The following TMPRSS15 variants were observed in gnomAD, a reference collection of about 807,000 sequenced individuals.
TMPRSS15 encodes the protein enteropeptidase.
A neutral mutation model predicts 125.3 loss-of-function variants in TMPRSS15; 128 were observed. The observed-to-expected ratio is 1.02, with a 90% confidence interval of 0.89 to 1.18. The LOEUF (loss-of-function observed/expected upper bound fraction) is 1.18, where lower values mean the gene tolerates loss of function less well. TMPRSS15 is among the 50% of genes most tolerant of loss of function. The pLI is 0.00. For missense variants in TMPRSS15, 1,283 were observed against 1,212.7 expected (o/e 1.06, Z -0.86); for synonymous variants, 446 against 423.2 (o/e 1.05, Z -0.66).
intron 19 of TMPRSS15, 60 bp from the exon 20 acceptor site, chr21:18,294,712 A>C (rs1236542189): frequency 1.8e-5 from 25 of 1,421,464 alleles, no homozygotes; most frequent in Non-Finnish European, 2.4e-5. Context: ...CAAGTCAAAC[A>C]TCATATAGGT....
Position 18,353,844 on chromosome 21 carries a change from A to T in TMPRSS15, c.900T>A (p.Asn300Lys). ...KILRASIWET[N>K]PGTIRIFSNQ... ...TGGAAAAAATTCTTATTGTGCCAGG[A>T]TTAGTTTCCCAAATAGAAGCTACAA... is the stretch of plus-strand genomic sequence containing the variant. The change falls in exon 9 of 25, where the codon AAT becomes AAA. Residue 300 changes from asparagine (N) to lysine (K), a missense_variant. Asn to Lys is a moderately conservative substitution (Grantham distance 94). Transcript: ENST00000284885. 6.2e-7 allele frequency: 1 copy of T among 1,611,250 alleles called. No individual in the cohort carries two copies. Among genetic ancestry groups the T allele is most frequent in the Non-Finnish European group, 8.5e-7 (1 of 1,177,980 alleles).
chr21:18,460,744 G>A (rs1442710495), intron 1 of TMPRSS15: 1 of 152,102 alleles, frequency 6.6e-6, no homozygotes, highest in Non-Finnish European at 1.5e-5. Context: ...GATTGGATGA[G>A]ACTCATCCAC....
At chr21:18,365,666 C>CCTTT (rs1342972162) in intron 6 of TMPRSS15, among the ~76,000 whole-genome samples, 2 of 127,272 alleles carry the variant, frequency 1.6e-5, no homozygotes, top group Non-Finnish European at 3.3e-5. Flanking sequence ...TTCCTTCCTT[C>CCTTT]CTTCCTTCCT....
At chr21:18,386,668 G>A (rs963560307) in intron 3 of TMPRSS15, among the ~76,000 whole-genome samples, 13 of 152,004 alleles carry the variant, frequency 8.6e-5, no homozygotes, top group African/African-American at 3.1e-4. Context: ...AAATGGACAG[G>A]ATTGATTGTG....
chr21:18,353,897 A>G, intron 8 of TMPRSS15, 34 bp from the exon 9 acceptor site: 1 of 1,585,376 alleles, frequency 6.3e-7, no homozygotes, highest in South Asian at 1.1e-5. Context: ...TTATATGTAT[A>G]TATCTATCTG....
chr21:18,321,499 C>A (rs1295981920), intron 16 of TMPRSS15, among the ~76,000 whole-genome samples: 3 of 151,722 alleles, frequency 2.0e-5, no homozygotes, highest in Non-Finnish European at 4.4e-5. Context: ...ACTACAGGTG[C>A]CTGCCACCAC....
intron 4 of TMPRSS15, among the ~76,000 whole-genome samples, chr21:18,382,296 T>C (rs2075900109): frequency 6.6e-6 from 1 of 152,156 alleles, no homozygotes. Flanking sequence ...TAATAGCCAG[T>C]AGTAGTTTTC....
At chr21:18,311,034 A>G (rs74499944) in intron 18 of TMPRSS15, among the ~76,000 whole-genome samples, 1,583 of 151,538 alleles carry the variant, frequency 0.01, 15 homozygotes, top group South Asian at 0.031. Flanking sequence ...GGATAACTAT[A>G]TGAAGTATGA....
At chr21:18,395,497 G>A (rs566397900) in intron 3 of TMPRSS15, among the ~76,000 whole-genome samples, 2 of 152,256 alleles carry the variant, frequency 1.3e-5, no homozygotes, top group African/African-American at 4.8e-5. Context: ...AGAACAAATT[G>A]ACAAGCTTGT....
At chr21:18,332,966 C>G (rs2075359388) in intron 13 of TMPRSS15, among the ~76,000 whole-genome samples, 1 of 152,078 alleles carries the variant, frequency 6.6e-6, no homozygotes, top group Non-Finnish European at 1.5e-5. Context: ...AGCTGGAGAC[C>G]ATTAACCTTA....
At position 18,343,820 on chromosome 21, in the gene TMPRSS15, T is replaced by C. The variant is rs554531702; in HGVS notation, c.1277+135A>G. On this transcript the variant is annotated intron_variant, in intron 11 of 24. Transcript: ENST00000284885. ...AGGTGTCTATCAATGTTTTATTGCT[T>C]ATCAGTTGGGAAAAGTAATAGTATA... 101 of 1,145,092 alleles carry C rather than the reference T, an allele frequency of 8.8e-5. No individual in the cohort carries two copies. In the South Asian group the frequency reaches 9.6e-4, roughly 11 times the overall value. The allele number at this position is 1,145,092 out of a possible 1,614,324, so 70.9% of individuals were successfully genotyped here. A position where few individuals can be genotyped will look rare whatever the true frequency, so the allele number is the denominator to read the frequency against.
chr21:18,325,665 A>G (rs1290472469), intron 16 of TMPRSS15, among the ~76,000 whole-genome samples: 1 of 152,054 alleles, frequency 6.6e-6, no homozygotes, highest in Non-Finnish European at 1.5e-5. Context: ...TTTTTCTGAC[A>G]TATTTGCACC....
rs1335253498 is a variant in TMPRSS15 at position 18,294,647 on chromosome 21, T to A, written c.2267A>T (p.Gln756Leu). ...DGHLILTPSQ[Q>L]CLQDSLIRLQ... ...CCGAATCAAGGAATCCTGTAAACAC[T>A]GTTGACTGTAATAGAAGAACAATCA... is the stretch of plus-strand genomic sequence containing the variant. Residue 756 changes from glutamine to leucine, a missense_variant, in exon 20 of 25, where the codon CAG becomes CTG. Coordinates refer to ENST00000284885, the MANE Select transcript of TMPRSS15 (RefSeq NM_002772.3). 6.2e-7 allele frequency: 1 copy of A among 1,610,168 alleles called. No homozygotes were observed. Among genetic ancestry groups the A allele is most frequent in the East Asian group, 2.2e-5 (1 of 44,850 alleles).
In TMPRSS15 at chr21:18,403,694, A is replaced by G; in HGVS notation, c.-72T>C. 1 of 1,592,692 alleles carries G rather than the reference A, an allele frequency of 6.3e-7. No homozygotes were observed. Among genetic ancestry groups the G allele is most frequent in the Non-Finnish European group, 8.6e-7 (1 of 1,164,902 alleles). On this transcript the variant is annotated 5_prime_UTR_variant, in exon 1 of 25. Coordinates refer to ENST00000284885, the MANE Select transcript of TMPRSS15 (RefSeq NM_002772.3). ...AATAATTCTACCAACTGAAGAGAAA[A>G]ATCTCTCAAATTTTTAAAGATGTGT...
At position 18,400,709 on chromosome 21, in the gene TMPRSS15, G is replaced by A. The variant is rs577455253; in HGVS notation, c.146-2380C>T. The stretch of plus-strand genomic sequence containing the variant: ...CTAAATCCTCAAAAGCAGTTGCAAC[G>A]AAACCAAAAATTGGCAAGTGGGGCC... On this transcript the variant is annotated intron_variant, in intron 1 of 24. Coordinates refer to ENST00000284885, the MANE Select transcript of TMPRSS15 (RefSeq NM_002772.3). 1.1e-4 allele frequency among the ~76,000 whole-genome samples: 16 copies of A among 152,090 alleles called. No individual in the cohort carries two copies. The South Asian group carries it at 2.3e-3, about 22-fold the overall frequency.
At chr21:18,384,998 C>T (rs2075930170) in intron 3 of TMPRSS15, among the ~76,000 whole-genome samples, 1 of 152,118 alleles carries the variant, frequency 6.6e-6, no homozygotes. Flanking sequence ...TATATTCCTT[C>T]TTCGTGTCCA....
chr21:18,303,293 C>G (rs528948939), intron 18 of TMPRSS15, among the ~76,000 whole-genome samples: 2 of 147,520 alleles, frequency 1.4e-5, no homozygotes, highest in African/African-American at 5.0e-5. Context: ...TTTTGGAAAA[C>G]AGATAATGGA....
intron 10 of TMPRSS15, among the ~76,000 whole-genome samples, chr21:18,350,107 A>G (rs2075549812): frequency 6.6e-6 from 1 of 152,132 alleles, no homozygotes. Context: ...AAAAAAAAAG[A>G]TCAGATTATT....
At chr21:18,409,445 G>A (rs2076160017) in intron 1 of TMPRSS15, among the ~76,000 whole-genome samples, 1 of 151,832 alleles carries the variant, frequency 6.6e-6, no homozygotes, top group Admixed American at 6.6e-5. Flanking sequence ...TCATAATGGG[G>A]TTAGGGTCCA....
Sources: allele counts gnomAD v4.1 joint callset (sites outside exome capture counted in the v4.1 genomes callset), GRCh38; gene constraint gnomAD v4.1.1; transcripts MANE v1.5; gene names NCBI Gene and HGNC (gene_info 2026-07-23, HGNC 2026-07-21).